C2CD3: variants seen among roughly 807,000 people sequenced by gnomAD.
C2CD3 encodes the protein C2 domain-containing protein 3.
C2CD3 carries 148 observed loss-of-function variants against 234.0 expected under a neutral mutation model. That is an observed-to-expected ratio of 0.63 (90% CI 0.55 to 0.72). C2CD3 has a LOEUF of 0.72. Ranked by LOEUF, C2CD3 falls within the 30% of genes least tolerant of loss-of-function variation. The probability of loss-of-function intolerance (pLI) is 0.00; values close to 1 mark genes in which losing one functional copy is unlikely to be tolerated. For synonymous variants in C2CD3, 1,000 were observed against 1,035.4 expected, an observed-to-expected ratio of 0.97 and a Z score of 0.66; for missense variants, 2,577 against 2,811.5, an observed-to-expected ratio of 0.92 and a Z score of 1.89.
chr11:74,030,139 C>G (rs954875168), intron 31 of C2CD3, among the ~76,000 whole-genome samples: 1 of 152,144 alleles, frequency 6.6e-6, no homozygotes, highest in African/African-American at 2.4e-5. Context: ...ACCCCCTGAC[C>G]TTGCATTGTC....
At chr11:74,043,911 C>T (rs1342104660) in intron 28 of C2CD3, among the ~76,000 whole-genome samples, 1 of 152,052 alleles carries the variant, frequency 6.6e-6, no homozygotes, top group African/African-American at 2.4e-5. Context: ...GCAGCCCTGA[C>T]CTCCTGGGCT....
At position 74,085,778 on chromosome 11, in the gene C2CD3, G is replaced by C. The variant is rs761403698; in HGVS notation, c.3750C>G (p.Thr1250=). Residue 1250 remains threonine (T), a synonymous_variant, in exon 21 of 33, where the codon ACC becomes ACG. Transcript: ENST00000334126. The part of the protein sequence containing the change: ...SFLPQGEQRR[T]HPVACSFCPE... ...GGCAGAAAGAACAGGCCACAGGGTG[G>C]GTTCGGCGCTGTTCTCCCTGGGGCA... 9 of 1,613,998 alleles carry C rather than the reference G, an allele frequency of 5.6e-6. No individual in the cohort carries two copies. The highest frequency in any genetic ancestry group is 1.7e-5 in the Admixed American group (1 of 60,002).
Position 74,078,342 on chromosome 11 carries a change from T to C in C2CD3, c.4376A>G (p.Asn1459Ser). The change falls in exon 23 of 33, where the codon AAC (asparagine) becomes AGC (serine). Residue 1459 changes from asparagine (N) to serine (S), a missense_variant. By Grantham distance (46) the Asn-to-Ser change is conservative (BLOSUM62 1). Coordinates refer to ENST00000334126, the MANE Select transcript of C2CD3 (RefSeq NM_001286577.2). Reference sequence around the variant, plus strand: ...GAAAGTGACCATAATCTGCTTTTTGTTTACAGATTCCTTAGGCTTCTTGAG... The same window carrying C: ...GAAAGTGACCATAATCTGCTTTTTGCTTACAGATTCCTTAGGCTTCTTGAG... ...TPLKKPKESVNKKQIMVTFKA... is the reference protein window; with the variant it reads ...TPLKKPKESVSKKQIMVTFKA... 6.2e-7 allele frequency: 1 copy of C among 1,614,190 alleles called. No homozygotes were observed. The highest frequency in any genetic ancestry group is 1.1e-5 in the South Asian group (1 of 91,082).
chr11:74,129,706 T>G (rs1232941204), intron 7 of C2CD3: 1 of 172,724 alleles, frequency 5.8e-6, no homozygotes, highest in Non-Finnish European at 1.2e-5. Context: ...CTCGGCACTT[T>G]GGGAGGCCAA....
intron 2 of C2CD3, 147 bp from the exon 3 acceptor site, chr11:74,161,703 G>T (rs1214003462): frequency 4.5e-6 from 2 of 441,486 alleles, no homozygotes; most frequent in Non-Finnish European, 7.9e-6. Flanking sequence ...TGGTGAAAGT[G>T]AGGGGAATTA....
chr11:74,020,000 C>T (rs987992925), intron 32 of C2CD3, among the ~76,000 whole-genome samples: 5 of 152,164 alleles, frequency 3.3e-5, no homozygotes, highest in Non-Finnish European at 7.4e-5. Flanking sequence ...GGGTGGAAAA[C>T]TCAAGGTTTT....
In C2CD3 at chr11:74,048,318, A is replaced by C; in HGVS notation, c.5382T>G (p.Phe1794Leu). Residue 1794 changes from phenylalanine to leucine, a missense_variant, in exon 28 of 33, where the codon TTT (phenylalanine) becomes TTG (leucine). By Grantham distance (22) the Phe-to-Leu change is conservative. Coordinates refer to ENST00000334126, the MANE Select transcript of C2CD3 (RefSeq NM_001286577.2). Reference protein sequence around the residue: ...SKSLIPIYSPFSFPASDTYAA... With the variant: ...SKSLIPIYSPLSFPASDTYAA... ...CATACGTATCAGAGGCAGGGAAGGA[A>C]AAGGGACTGTATATTGGGATCTGTA... 1 of 1,613,722 alleles carries C rather than the reference A, an allele frequency of 6.2e-7. No homozygotes were observed. Among genetic ancestry groups the C allele is most frequent in the East Asian group, 2.2e-5 (1 of 44,852 alleles).
At chr11:74,116,223 C>T (rs1462217338) in intron 9 of C2CD3, among the ~76,000 whole-genome samples, 3 of 152,140 alleles carry the variant, frequency 2.0e-5, no homozygotes, top group Non-Finnish European at 4.4e-5. Context: ...ACAATCTATA[C>T]ATCTGACAAA....
chr11:74,086,224 A>C (rs1955635061), intron 20 of C2CD3, among the ~76,000 whole-genome samples: 1 of 152,186 alleles, frequency 6.6e-6, no homozygotes. Context: ...GAAAATATAC[A>C]CCATGGGGAA....
At chr11:74,065,424 G>A (rs2135450002) in intron 24 of C2CD3, among the ~76,000 whole-genome samples, 1 of 152,262 alleles carries the variant, frequency 6.6e-6, no homozygotes, top group South Asian at 2.1e-4. Flanking sequence ...CAGGTGCTGG[G>A]GAGGGTGTGG....
chr11:74,098,028 G>C lies in C2CD3; in HGVS notation c.2960C>G (p.Thr987Ser), dbSNP rs1291536949. ...TATTACCATAGCAACAGATGCTGCA[G>C]TTGGCTGGTCCAGGAAATGGGCTGG... ...PRPAHFLDQP[T>S]AASVAMAEDR... The change falls in exon 16 of 33, where the codon ACT becomes AGT. Residue 987 changes from threonine to serine, a missense_variant. Physicochemically the swap from Thr to Ser is moderately conservative, Grantham distance 58 (BLOSUM62 1). Transcript: ENST00000334126. 1.2e-6 allele frequency: 2 copies of C among 1,614,068 alleles called. No homozygotes were observed. Among genetic ancestry groups the C allele is most frequent in the Non-Finnish European group, 1.7e-6 (2 of 1,179,952 alleles).
In C2CD3 at chr11:74,138,635, T is replaced by C. The variant is rs148439485; in HGVS notation, c.955+85A>G. ...ATTTGACTTAGTTCAAACAAGAGTCTTGGTTCTCTTTGTAGGCTGGCTAAC... is the reference window on the plus strand; with the variant it reads ...ATTTGACTTAGTTCAAACAAGAGTCCTGGTTCTCTTTGTAGGCTGGCTAAC... On this transcript the variant is annotated intron_variant, in intron 5 of 32. Transcript: ENST00000334126. 2.5e-4 allele frequency: 268 copies of C among 1,080,214 alleles called. 1 individual carries two copies. In the African/African-American group the frequency reaches 3.9e-3, roughly 16 times the overall value. 66.9% of individuals were successfully genotyped at this position (1,080,214 alleles called of 1,614,324 possible).
intron 25 of C2CD3, 79 bp from the exon 26 acceptor site, chr11:74,054,750 T>C: frequency 1.0e-6 from 1 of 962,738 alleles, no homozygotes; most frequent in Non-Finnish European, 1.6e-6. Flanking sequence ...AAGAATATCT[T>C]GTAATTTGCA....
At position 74,033,942 on chromosome 11, in the gene C2CD3, G is replaced by A; in HGVS notation, c.6218C>T (p.Thr2073Ile). Residue 2073 changes from threonine to isoleucine, a missense_variant, in exon 31 of 33, where the codon ACC (threonine) becomes ATC (isoleucine). Thr to Ile is a moderately conservative substitution (Grantham distance 89). Transcript: ENST00000334126. ...TGTCACCGTGGTGATCTCATTTAAG[G>A]TCCTGGGCTCAATGATGTCTTCTTC... ...DYEEDIIEPR[T>I]LNEITTVTDK... is the part of the protein sequence containing the mutation. 1 of 1,536,306 alleles carries A rather than the reference G, an allele frequency of 6.5e-7. No individual in the cohort carries two copies. The highest frequency in any genetic ancestry group is 8.7e-7 in the Non-Finnish European group (1 of 1,146,938).
In C2CD3 at chr11:74,034,290, C is replaced by T. The variant is rs766138783; in HGVS notation, c.5882-12G>A. On this transcript the variant is annotated splice_polypyrimidine_tract_variant and intron_variant, in intron 30 of 32. Coordinates refer to ENST00000334126, the MANE Select transcript of C2CD3 (RefSeq NM_001286577.2). ...GATAGTCTGCAGATCTGAACAGCAA[C>T]ACATATCACTCTTATTACAAGGTAG... 4.8e-5 allele frequency: 74 copies of T among 1,530,372 alleles called. 1 individual carries two copies. In the South Asian group the frequency reaches 8.8e-4, roughly 18 times the overall value. The allele number at this position is 1,530,372 out of a possible 1,614,324, so 94.8% of individuals were successfully genotyped here.
At chr11:74,093,710 C>CT in intron 18 of C2CD3, 106 bp downstream of exon 18, 1 of 780,426 alleles carries the variant, frequency 1.3e-6, no homozygotes. Flanking sequence ...GCTGAAGAGG[C>CT]TGCTTAGCTT....
chr11:74,034,518 C>T (rs1952646872), intron 30 of C2CD3: 2 of 1,608,066 alleles, frequency 1.2e-6, no homozygotes, highest in African/African-American at 1.3e-5. Context: ...TGTGGAAATG[C>T]TTTCAGAGAC....
rs1237863086 is a variant in C2CD3 at position 74,088,550 on chromosome 11, GTCATCCAATCTGACTTTCC to G, written c.3641+2244_3641+2262del. Among the ~76,000 whole-genome samples the G allele has an allele frequency of 7.2e-5, 11 of 152,190 alleles. No individual in the cohort carries two copies. The East Asian group carries it at 2.1e-3, about 29-fold the overall frequency. The stretch of plus-strand genomic sequence containing the variant: ...ATGGGAGATTTAGAACAAACTGCCT[GTCATCCAATCTGACTTTCC>G]TCATGAGTCCTCAGACAGAGCAACT... On this transcript the variant is annotated intron_variant, in intron 20 of 32. Coordinates refer to ENST00000334126, the MANE Select transcript of C2CD3 (RefSeq NM_001286577.2).
intron 29 of C2CD3, among the ~76,000 whole-genome samples, chr11:74,039,316 C>G (rs1952900482): frequency 6.6e-6 from 1 of 152,228 alleles, no homozygotes; most frequent in Admixed American, 6.5e-5. Context: ...GAAATGATAG[C>G]TGTGATTCAA....
Sources: allele counts gnomAD v4.1 joint callset (sites outside exome capture counted in the v4.1 genomes callset), GRCh38; gene constraint gnomAD v4.1.1; transcripts MANE v1.5; gene names NCBI Gene and HGNC (gene_info 2026-07-23, HGNC 2026-07-21).